The following MATK variants were observed in gnomAD, a reference collection of about 807,000 sequenced individuals.
MATK encodes the protein megakaryocyte-associated tyrosine-protein kinase.
A neutral mutation model predicts 59.8 loss-of-function variants in MATK; 41 were observed. The ratio of observed to expected loss-of-function variants is 0.69; its 90% CI spans 0.53 to 0.89. MATK has a LOEUF of 0.89. Ranked by LOEUF, MATK falls within the 40% of genes least tolerant of loss-of-function variation. The pLI, the probability that MATK is intolerant of heterozygous loss-of-function variation, is 0.00. For missense variants in MATK, 593 were observed against 719.6 expected, an observed-to-expected ratio of 0.82 and a Z score of 2.01; for synonymous variants, 308 against 306.1, an observed-to-expected ratio of 1.01 and a Z score of -0.06.
chr19:3,782,028 A>G (rs529793988), intron 7 of MATK, among the ~76,000 whole-genome samples: 10 of 152,316 alleles, frequency 6.6e-5, no homozygotes, highest in Admixed American at 6.5e-4. Flanking sequence ...TAGTGCCAGG[A>G]AACACTTCAG....
exon 1 of MATK, chr19:3,801,574 C>G (rs11666442): frequency 2.0e-5 from 3 of 152,560 alleles, no homozygotes; most frequent in Admixed American, 2.0e-4. Context: ...CATCCGCAAC[C>G]GAGGTCCCCG....
chr19:3,797,368 C>A (rs916833720), intron 1 of MATK, among the ~76,000 whole-genome samples: 3 of 151,182 alleles, frequency 2.0e-5, no homozygotes, highest in African/African-American at 7.3e-5. Context: ...GCAATCACAG[C>A]CCACTGCAGC....
At position 3,784,831 on chromosome 19, in the gene MATK, C is replaced by T. The variant is rs1202992466; in HGVS notation, c.126G>A (p.Met42Ile). 5.2e-6 allele frequency: 8 copies of T among 1,551,536 alleles called. No individual in the cohort carries two copies. The highest frequency in any genetic ancestry group is 7.0e-6 in the Non-Finnish European group (8 of 1,146,450). ...GCAGGCTAGACACACTCACCGTTGGCATCCTGGCTGAGACGGGAGGGGGGT... is the reference window on the plus strand; with the variant it reads ...GCAGGCTAGACACACTCACCGTTGGTATCCTGGCTGAGACGGGAGGGGGGT... ...AWHPPPVSAR[M>I]PTRRWAPGTQ... Residue 42 changes from methionine (M) to isoleucine (I), a missense_variant, in exon 3 of 14, where the codon ATG becomes ATA. Transcript: ENST00000310132.
In MATK at chr19:3,778,518, G is replaced by A. The variant is rs2145744197; in HGVS notation, c.1275C>T (p.Tyr425=). 1 of 1,613,902 alleles carries A rather than the reference G, an allele frequency of 6.2e-7. No homozygotes were observed. Among genetic ancestry groups the A allele is most frequent in the Non-Finnish European group, 8.5e-7 (1 of 1,179,964 alleles). The change falls in exon 13 of 14, where the codon TAC becomes TAT. Residue 425 remains tyrosine (Y), a synonymous_variant. Coordinates refer to ENST00000310132, the MANE Select transcript of MATK (RefSeq NM_139355.3). ...WEVFSYGRAP[Y]PKMSLKEVSE... is the part of the protein sequence containing the mutation. ...TGGGACCCCCGCTCACCATTTTAGG[G>A]TACGGAGCCCGTCCATATGAGAAGA...
Position 3,785,245 on chromosome 19 carries a change from G to A in MATK, c.-110C>T, listed in dbSNP as rs1489238481. The A allele has an allele frequency of 1.3e-6, 2 of 1,573,230 alleles. No individual in the cohort carries two copies. Among genetic ancestry groups the A allele is most frequent in the African/African-American group, 1.4e-5 (1 of 73,940 alleles). ...GCCAGTCGGCTGGCACAGGAGGTAG[G>A]GAGCTGGGTGCCACTGGACCGAGCC... On this transcript the variant is annotated 5_prime_UTR_variant, in exon 2 of 14. Transcript: ENST00000310132.
At chr19:3,801,057 G>C in intron 1 of MATK, among the ~76,000 whole-genome samples, 1 of 151,822 alleles carries the variant, frequency 6.6e-6, no homozygotes, top group East Asian at 1.9e-4. Flanking sequence ...ACGGGGTTTC[G>C]AACTCCTGAC....
chr19:3,779,683 C>T lies in MATK; in HGVS notation c.842+15G>A. The T allele has an allele frequency of 6.2e-7, 1 of 1,612,374 alleles. No individual in the cohort carries two copies. The highest frequency in any genetic ancestry group is 1.1e-5 in the South Asian group (1 of 91,074). On this transcript the variant is annotated intron_variant, in intron 9 of 13. Coordinates refer to ENST00000310132, the MANE Select transcript of MATK (RefSeq NM_139355.3). ...CCCCCCGTCCCACGGTCCCCAGCCC[C>T]ACCCTGGGACTCACGTCATGACGGC...
chr19:3,790,319 C>T (rs1277083423), upstream of MATK, among the ~76,000 whole-genome samples: 2 of 152,210 alleles, frequency 1.3e-5, no homozygotes, highest in African/African-American at 4.8e-5. Flanking sequence ...CCACCCTCCA[C>T]CTCTCATCCT....
At chr19:3,784,101 A>T in intron 5 of MATK, 23 bp downstream of exon 5, 1 of 1,595,092 alleles carries the variant, frequency 6.3e-7, no homozygotes. Context: ...CCCCTACCCC[A>T]GGCCCCTGTC....
At chr19:3,790,757 CAT>C (rs2037533085), upstream of MATK, among the ~76,000 whole-genome samples, 1 of 152,232 alleles carries the variant, frequency 6.6e-6, no homozygotes. Context: ...ACACACAACT[CAT>C]GTGGCACCAT....
intron 1 of MATK, among the ~76,000 whole-genome samples, chr19:3,797,267 C>A (rs1013391213): frequency 8.3e-6 from 1 of 120,714 alleles, no homozygotes; most frequent in African/African-American, 3.0e-5. Flanking sequence ...TTTCTTCCAA[C>A]CCTTCTATTG....
At chr19:3,784,520 G>A (rs1429735676) in intron 3 of MATK, 69 bp from the exon 4 acceptor site, 3 of 1,089,834 alleles carry the variant, frequency 2.8e-6, no homozygotes, top group East Asian at 2.5e-5. Flanking sequence ...AGGCACGGGA[G>A]GGGAAAGAGG....
intron 1 of MATK, among the ~76,000 whole-genome samples, chr19:3,801,066 A>G (rs955002338): frequency 6.6e-6 from 1 of 151,880 alleles, no homozygotes; most frequent in Non-Finnish European, 1.5e-5. Flanking sequence ...CGAACTCCTG[A>G]CCTCAAGTAA....
upstream of MATK, among the ~76,000 whole-genome samples, chr19:3,789,648 G>A (rs889659330): frequency 2.6e-5 from 4 of 151,946 alleles, no homozygotes; most frequent in South Asian, 2.1e-4. Flanking sequence ...TTGAGCCTGC[G>A]GTTTATTTGA....
At position 3,783,151 on chromosome 19, in the gene MATK, C is replaced by G; in HGVS notation, c.651G>C (p.Lys217Asn). The G allele has an allele frequency of 6.2e-7, 1 of 1,614,106 alleles. No individual in the cohort carries two copies. Among genetic ancestry groups the G allele is most frequent in the Non-Finnish European group, 8.5e-7 (1 of 1,179,998 alleles). ...LVRPKRKHGT[K>N]SAEEELARAG... Reference sequence around the variant, plus strand: ...CCCTGGCCAGCTCCTCCTCGGCCGACTTGGTCCCGTGTTTCCGCTTTGGTC... The same window carrying G: ...CCCTGGCCAGCTCCTCCTCGGCCGAGTTGGTCCCGTGTTTCCGCTTTGGTC... The change falls in exon 7 of 14, where the codon AAG (lysine) becomes AAC (asparagine). Residue 217 changes from lysine (K) to asparagine (N), a missense_variant. Transcript: ENST00000310132.
At chr19:3,790,999 A>C (rs2037535914), upstream of MATK, among the ~76,000 whole-genome samples, 1 of 152,088 alleles carries the variant, frequency 6.6e-6, no homozygotes, top group Non-Finnish European at 1.5e-5. Context: ...CAAGGGAAAG[A>C]CTGGTTCCGT....
chr19:3,778,916 A>C (rs2037357059), intron 12 of MATK, 76 bp downstream of exon 12: 12 of 1,420,684 alleles, frequency 8.4e-6, no homozygotes, highest in Non-Finnish European at 1.1e-5. Context: ...CAGAGAGGCC[A>C]AGGGACATAC....
intron 1 of MATK, among the ~76,000 whole-genome samples, chr19:3,797,198 T>C (rs1431370942): frequency 6.6e-6 from 1 of 152,020 alleles, no homozygotes; most frequent in African/African-American, 2.4e-5. Flanking sequence ...GGTGGACTTC[T>C]TGGATTGATG....
chr19:3,800,035 G>T lies in MATK; in HGVS notation c.-58+1497C>A, dbSNP rs191941449. On this transcript the variant is annotated intron_variant, in intron 1 of 13. Transcript: ENST00000395045. ...CAGGCGCCTGTAGTCCCAGCTACTC[G>T]GGAGGCTGAGGCAGGAGAATGGCGT... Among the ~76,000 whole-genome samples the T allele has an allele frequency of 5.7e-3, 858 of 151,808 alleles. 6 individuals are homozygous for T. Among genetic ancestry groups the T allele is most frequent in the Middle Eastern group, 0.024 (7 of 294 alleles).
Sources: allele counts gnomAD v4.1 joint callset (sites outside exome capture counted in the v4.1 genomes callset), GRCh38; gene constraint gnomAD v4.1.1; transcripts MANE v1.5; gene names NCBI Gene and HGNC (gene_info 2026-07-23, HGNC 2026-07-21).